The following UNC5C variants were observed in gnomAD, a reference collection of about 807,000 sequenced individuals.
UNC5C encodes netrin receptor UNC5C.
Under a neutral mutation model 99.8 loss-of-function variants are expected in UNC5C, and 47 were observed. The observed-to-expected ratio is 0.47, with a 90% CI of 0.37 to 0.60. UNC5C has a LOEUF of 0.60. Among genes scored for constraint, UNC5C ranks in the 20% least tolerant of loss-of-function variants. The probability of loss-of-function intolerance (pLI) is 0.00; values close to 1 mark genes in which losing one functional copy is unlikely to be tolerated. For synonymous variants in UNC5C, 487 were observed against 452.2 expected (o/e 1.08, Z -0.98); for missense variants, 1,062 against 1,165.9 (o/e 0.91, Z 1.30).
At chr4:95,487,853 C>A (rs1194060441) in intron 1 of UNC5C, among the ~76,000 whole-genome samples, 1 of 151,744 alleles carries the variant, frequency 6.6e-6, no homozygotes, top group Non-Finnish European at 1.5e-5. Flanking sequence ...AGAAAGTATA[C>A]TTTATGACCT....
chr4:95,301,821 A>AT, intron 2 of UNC5C, 72 bp from the exon 3 acceptor site: 3 of 1,530,230 alleles, frequency 2.0e-6, no homozygotes, highest in East Asian at 2.4e-5. Context: ...ATCACATCAT[A>AT]TTTTTCCCCC....
At chr4:95,399,615 C>T (rs1314512344) in intron 1 of UNC5C, among the ~76,000 whole-genome samples, 3 of 152,170 alleles carry the variant, frequency 2.0e-5, no homozygotes, top group East Asian at 1.9e-4. Flanking sequence ...CCTAATTGTT[C>T]CTGCCTCAGG....
intron 1 of UNC5C, among the ~76,000 whole-genome samples, chr4:95,538,764 G>A (rs1722842576): frequency 1.3e-5 from 2 of 152,108 alleles, no homozygotes; most frequent in African/African-American, 2.4e-5. Context: ...GATGTATTAT[G>A]TAAATATTCA....
intron 2 of UNC5C, among the ~76,000 whole-genome samples, chr4:95,302,691 T>C (rs753438813): frequency 8.5e-5 from 13 of 152,192 alleles, no homozygotes; most frequent in Admixed American, 5.9e-4. Context: ...GGGTCAAGTA[T>C]AGGTATAGTA....
At chr4:95,262,868 G>A (rs1432034347) in intron 4 of UNC5C, among the ~76,000 whole-genome samples, 1 of 151,650 alleles carries the variant, frequency 6.6e-6, no homozygotes, top group Non-Finnish European at 1.5e-5. Flanking sequence ...AGGCTGGAGT[G>A]CAATGGCGTG....
intron 12 of UNC5C, among the ~76,000 whole-genome samples, chr4:95,193,900 G>GGCCTGGCTTTGCT (rs1560725029): frequency 1.3e-5 from 2 of 152,162 alleles, no homozygotes; most frequent in East Asian, 1.9e-4. Flanking sequence ...CCTGGCGCCC[G>GGCCTGGCTTTGCT]GCCTGGCTTT....
At chr4:95,425,654 G>GTT (rs778984710) in intron 1 of UNC5C, among the ~76,000 whole-genome samples, 4 of 152,108 alleles carry the variant, frequency 2.6e-5, no homozygotes, top group Admixed American at 2.6e-4. Flanking sequence ...TGACTCACTT[G>GTT]TTTTTTTATA....
At chr4:95,530,310 A>T (rs1722608819) in intron 1 of UNC5C, among the ~76,000 whole-genome samples, 1 of 152,162 alleles carries the variant, frequency 6.6e-6, no homozygotes, top group Non-Finnish European at 1.5e-5. Flanking sequence ...TATTTCCAAA[A>T]ATATATGCTA....
intron 1 of UNC5C, among the ~76,000 whole-genome samples, chr4:95,354,911 C>T (rs763401486): frequency 2.0e-5 from 3 of 152,162 alleles, no homozygotes; most frequent in Admixed American, 6.6e-5. Flanking sequence ...TCTAACACTA[C>T]CTTTTATAAT....
chr4:95,468,881 T>C (rs1747879623), intron 1 of UNC5C, among the ~76,000 whole-genome samples: 2 of 152,178 alleles, frequency 1.3e-5, no homozygotes, highest in Non-Finnish European at 2.9e-5. Context: ...CAGTCCCTTT[T>C]TGGCAAGGTA....
intron 1 of UNC5C, among the ~76,000 whole-genome samples, chr4:95,361,966 A>ATT (rs1047247385): frequency 1.0e-4 from 15 of 145,894 alleles, no homozygotes; most frequent in Non-Finnish European, 1.7e-4. Context: ...TCTATTATCT[A>ATT]TTATATATAT....
intron 12 of UNC5C, among the ~76,000 whole-genome samples, chr4:95,196,813 ATATATATT>A (rs1170225408): frequency 6.7e-4 from 3 of 4,480 alleles, no homozygotes; most frequent in African/African-American, 2.9e-3. Flanking sequence ...GTAATATATA[ATATATATT>A]TATATATTAT....
chr4:95,378,122 T>C (rs141510318), intron 1 of UNC5C, among the ~76,000 whole-genome samples: 29 of 152,240 alleles, frequency 1.9e-4, no homozygotes, highest in South Asian at 4.1e-4. Context: ...AGTTTATATA[T>C]AGAGAGAGTA....
At chr4:95,446,114 C>A (rs183115633) in intron 1 of UNC5C, among the ~76,000 whole-genome samples, 1 of 152,010 alleles carries the variant, frequency 6.6e-6, no homozygotes, top group Non-Finnish European at 1.5e-5. Context: ...TCATTCAGAA[C>A]TCATCTGTTC....
intron 3 of UNC5C, among the ~76,000 whole-genome samples, chr4:95,296,061 C>G (rs1439740932): frequency 6.6e-6 from 1 of 152,226 alleles, no homozygotes; most frequent in Non-Finnish European, 1.5e-5. Flanking sequence ...GCACTCCCGT[C>G]TGGGACAGGG....
At chr4:95,507,072 T>C (rs907443783) in intron 1 of UNC5C, among the ~76,000 whole-genome samples, 2 of 151,986 alleles carry the variant, frequency 1.3e-5, no homozygotes, top group African/African-American at 4.8e-5. Flanking sequence ...GAGTAGGAAG[T>C]CAACAAACGT....
At chr4:95,544,400 C>T (rs1723005147) in intron 1 of UNC5C, among the ~76,000 whole-genome samples, 1 of 152,146 alleles carries the variant, frequency 6.6e-6, no homozygotes, top group African/African-American at 2.4e-5. Context: ...TCACTGCTCC[C>T]ACGTTCTTCT....
At chr4:95,276,839 A>C (rs938323050) in intron 4 of UNC5C, among the ~76,000 whole-genome samples, 4 of 152,120 alleles carry the variant, frequency 2.6e-5, no homozygotes, top group Non-Finnish European at 4.4e-5. Context: ...AAGGCAAAAA[A>C]ATAACTCTCT....
At chr4:95,484,647 C>A (rs56350530) in intron 1 of UNC5C, among the ~76,000 whole-genome samples, 13,191 of 151,886 alleles carry the variant, frequency 0.087, 1,438 homozygotes, top group African/African-American at 0.26. Flanking sequence ...CTCTAGTATC[C>A]TTACCCATGC....
Sources: allele counts gnomAD v4.1 joint callset (sites outside exome capture counted in the v4.1 genomes callset), GRCh38; gene constraint gnomAD v4.1.1; transcripts MANE v1.5; gene names NCBI Gene and HGNC (gene_info 2026-07-23, HGNC 2026-07-21).